C2orf49: variants seen among roughly 807,000 people sequenced by gnomAD.
C2orf49 encodes tRNA-splicing ligase complex subunit ASW.
In C2orf49, 11 loss-of-function variants were observed where a neutral mutation model predicts 20.6. That is an observed-to-expected ratio of 0.53 (90% CI 0.34 to 0.88). The LOEUF is 0.88. C2orf49 is among the 40% of genes least tolerant of loss of function. The pLI, the probability that C2orf49 is intolerant of heterozygous loss-of-function variation, is 0.02. For missense variants in C2orf49, 289 were observed against 274.2 expected (o/e 1.05, Z -0.38); for synonymous variants, 134 against 108.5 (o/e 1.24, Z -1.46).
At chr2:105,345,259 T>G in intron 3 of C2orf49, 56 bp from the exon 4 acceptor site, 1 of 1,463,142 alleles carries the variant, frequency 6.8e-7, no homozygotes, top group Non-Finnish European at 9.5e-7. Flanking sequence ...ATGTTCATTT[T>G]AGTTGTTTTC....
chr2:105,361,917 G>A, the C2orf49 span, among the ~76,000 whole-genome samples: 6 of 152,150 alleles, frequency 3.9e-5, no homozygotes, highest in African/African-American at 1.4e-4. Context: ...TGAGGGGAGA[G>A]GGATATTGTC....
At chr2:105,355,712 C>CA in the C2orf49 span, among the ~76,000 whole-genome samples, 1 of 150,634 alleles carries the variant, frequency 6.6e-6, no homozygotes, top group Non-Finnish European at 1.5e-5. Flanking sequence ...TACTGAGTTA[C>CA]AATAAAATGC....
the C2orf49 span, among the ~76,000 whole-genome samples, chr2:105,365,061 C>G: frequency 6.6e-6 from 1 of 152,184 alleles, no homozygotes; most frequent in Non-Finnish European, 1.5e-5. Context: ...GTCCTCAGTC[C>G]TCCCTTGCTC....
chr2:105,373,601 A>G, the C2orf49 span: 1 of 1,614,180 alleles, frequency 6.2e-7, no homozygotes. Flanking sequence ...TTGGATGAGT[A>G]CTCGTTGGAA....
the C2orf49 span, among the ~76,000 whole-genome samples, chr2:105,367,415 T>C: frequency 6.6e-6 from 1 of 152,264 alleles, no homozygotes; most frequent in East Asian, 1.9e-4. Flanking sequence ...CCAGACCCGA[T>C]GGATAAATGC....
the C2orf49 span, chr2:105,361,292 T>C: frequency 1.2e-6 from 2 of 1,613,070 alleles, no homozygotes; most frequent in Admixed American, 3.3e-5. Context: ...TTCAGATGTC[T>C]TTCCCACAGT....
At chr2:105,370,922 G>A in the C2orf49 span, among the ~76,000 whole-genome samples, 2 of 152,096 alleles carry the variant, frequency 1.3e-5, no homozygotes, top group East Asian at 1.9e-4. Context: ...GTGCTCAGGG[G>A]CTGGAAGCTG....
rs1452975854 is a variant in C2orf49 at position 105,347,687 on chromosome 2, T to C, written c.*2316T>C. ...GAAGGTGTATAGATACAGCTTGTCT[T>C]GAAATGTCTTTCTCCACATAATGAA... On this transcript the variant is annotated 3_prime_UTR_variant, in exon 4 of 4. Transcript: ENST00000258457. 2 of 152,232 alleles carry C rather than the reference T, an allele frequency of 1.3e-5. No homozygotes were observed. Among genetic ancestry groups the C allele is most frequent in the African/African-American group, 2.4e-5 (1 of 41,464 alleles). The allele number at this position is 152,232 out of a possible 1,614,324, so 9.4% of individuals were successfully genotyped here.
the C2orf49 span, among the ~76,000 whole-genome samples, chr2:105,367,105 C>T: frequency 2.0e-5 from 3 of 152,336 alleles, no homozygotes; most frequent in South Asian, 6.2e-4. Flanking sequence ...TGATCTGTCC[C>T]ATATCCATGG....
At chr2:105,374,035 A>G in the C2orf49 span, 1 of 401,154 alleles carries the variant, frequency 2.5e-6, no homozygotes, top group African/African-American at 2.0e-5. Flanking sequence ...CCTGCAAGAA[A>G]GAGAAACAGA....
the C2orf49 span, among the ~76,000 whole-genome samples, chr2:105,370,622 G>T: frequency 6.6e-6 from 1 of 152,152 alleles, no homozygotes; most frequent in Non-Finnish European, 1.5e-5. Flanking sequence ...TCCTCTAAAT[G>T]TAAATTCACC....
downstream of C2orf49, among the ~76,000 whole-genome samples, chr2:105,351,318 C>A (rs1441161830): frequency 1.7e-5 from 2 of 118,936 alleles, no homozygotes; most frequent in Non-Finnish European, 1.9e-5. Context: ...ACCGCGCCCC[C>A]CCCCCCCCAA....
the C2orf49 span, among the ~76,000 whole-genome samples, chr2:105,369,165 A>G: frequency 6.6e-6 from 1 of 152,316 alleles, no homozygotes; most frequent in African/African-American, 2.4e-5. Flanking sequence ...GGTCACATAC[A>G]TGTGACTTCA....
Position 105,347,797 on chromosome 2 carries a change from A to C in C2orf49, c.*2426A>C, listed in dbSNP as rs996694163. ...TTTGGTTTGCTTCAAAGGTTAGAAG[A>C]ACTTGATATGTATGGCAAACAACTT... On this transcript the variant is annotated 3_prime_UTR_variant, in exon 4 of 4. Coordinates refer to ENST00000258457, the MANE Select transcript of C2orf49 (RefSeq NM_024093.3). The C allele has an allele frequency of 6.6e-6, 1 of 152,202 alleles. No homozygotes were observed. The highest frequency in any genetic ancestry group is 2.4e-5 in the African/African-American group (1 of 41,446). The allele number at this position is 152,202 out of a possible 1,614,324, so 9.4% of individuals were successfully genotyped here. A position where few individuals can be genotyped will look rare whatever the true frequency, so the allele number is the denominator to read the frequency against.
At chr2:105,368,781 AC>A in the C2orf49 span, among the ~76,000 whole-genome samples, 1 of 152,186 alleles carries the variant, frequency 6.6e-6, no homozygotes, top group African/African-American at 2.4e-5. Flanking sequence ...ATAAACAAGT[AC>A]CCTTCATATA....
downstream of C2orf49, among the ~76,000 whole-genome samples, chr2:105,350,571 A>G (rs572044919): frequency 6.6e-6 from 1 of 152,322 alleles, no homozygotes; most frequent in East Asian, 1.9e-4. Context: ...TTTAATCTTC[A>G]GGTAAATAGT....
chr2:105,382,516 G>T, the C2orf49 span, among the ~76,000 whole-genome samples: 2 of 152,112 alleles, frequency 1.3e-5, no homozygotes, highest in African/African-American at 4.8e-5. Context: ...CCATAAAATG[G>T]AATGAAAAAA....
chr2:105,365,317 A>C, the C2orf49 span, among the ~76,000 whole-genome samples: 1 of 147,344 alleles, frequency 6.8e-6, no homozygotes, highest in Non-Finnish European at 1.5e-5. Flanking sequence ...CCAGCATCAG[A>C]TCCCCAGTGC....
chr2:105,378,035 G>A, the C2orf49 span: 7 of 470,026 alleles, frequency 1.5e-5, no homozygotes, highest in East Asian at 4.9e-4. Flanking sequence ...AAGGTCAACA[G>A]GAAAGCAAAG....
Sources: gnomAD v4.1 joint callset for allele counts (sites outside exome capture counted in the v4.1 genomes callset) on GRCh38, gnomAD v4.1.1 for gene constraint, MANE v1.5 for transcripts, NCBI Gene and HGNC (gene_info 2026-07-23, HGNC 2026-07-21) for gene names.